TMEM120B: variants seen among roughly 807,000 people sequenced by gnomAD.
TMEM120B encodes transmembrane protein 120B.
Under a neutral mutation model 55.5 loss-of-function variants are expected in TMEM120B, and 31 were observed. The ratio of observed to expected loss-of-function variants is 0.56; its 90% confidence interval spans 0.42 to 0.75. TMEM120B has a LOEUF of 0.75. Ranked by LOEUF, TMEM120B falls within the 30% of genes least tolerant of loss-of-function variation. The pLI is 0.00. For synonymous variants in TMEM120B, 203 were observed against 176.3 expected, an observed-to-expected ratio of 1.15 and a Z score of -1.20; for missense variants, 399 against 425.5, an observed-to-expected ratio of 0.94 and a Z score of 0.55.
intron 8 of TMEM120B, among the ~76,000 whole-genome samples, chr12:121,772,275 C>T (rs945652939): frequency 1.3e-5 from 2 of 151,478 alleles, no homozygotes; most frequent in African/African-American, 2.4e-5. Flanking sequence ...ACTACAGGTG[C>T]GCACCACCAC....
At chr12:121,718,848 A>G (rs1894746172) in intron 1 of TMEM120B, among the ~76,000 whole-genome samples, 1 of 152,184 alleles carries the variant, frequency 6.6e-6, no homozygotes, top group Admixed American at 6.6e-5. Context: ...GCTTCAGGCA[A>G]GGCTGGATCC....
At chr12:121,763,859 A>T (rs1029056204) in intron 6 of TMEM120B, among the ~76,000 whole-genome samples, 1 of 152,118 alleles carries the variant, frequency 6.6e-6, no homozygotes, top group African/African-American at 2.4e-5. Flanking sequence ...CCCACCGCCT[A>T]ATGTGCCACC....
chr12:121,713,931 C>T (rs781499959), intron 1 of TMEM120B, among the ~76,000 whole-genome samples: 2 of 152,146 alleles, frequency 1.3e-5, no homozygotes, highest in Non-Finnish European at 2.9e-5. Flanking sequence ...TGACATTGTC[C>T]CTGTCCATGT....
In TMEM120B at chr12:121,779,373, A is replaced by G. The variant is rs1874355098; in HGVS notation, c.*3651A>G. ...AAGGAGAGAGTTCCAGAATGTTCCA[A>G]GAGTCTAGCCGCAGGCCCCAGACAC... On this transcript the variant is annotated 3_prime_UTR_variant, in exon 12 of 12. Coordinates refer to ENST00000449592, the MANE Select transcript of TMEM120B (RefSeq NM_001080825.2). 3.0e-6 allele frequency: 3 copies of G among 1,016,082 alleles called. No homozygotes were observed. The highest frequency in any genetic ancestry group is 2.7e-5 in the Admixed American group (1 of 37,360). The allele number at this position is 1,016,082 out of a possible 1,614,324, so 62.9% of individuals were successfully genotyped here. A position where few individuals can be genotyped will look rare whatever the true frequency, so the allele number is the denominator to read the frequency against.
rs200279162 is a variant in TMEM120B at position 121,779,491 on chromosome 12, C to T, written c.*3769C>T. On this transcript the variant is annotated 3_prime_UTR_variant, in exon 12 of 12. Coordinates refer to ENST00000449592, the MANE Select transcript of TMEM120B (RefSeq NM_001080825.2). ...TCAGTGCTGTCGTGAGGTCTGTCTGCCCTGGGTCAGAGCAGCAGGCAGAGC... is the reference window on the plus strand; with the variant it reads ...TCAGTGCTGTCGTGAGGTCTGTCTGTCCTGGGTCAGAGCAGCAGGCAGAGC... The T allele has an allele frequency of 1.9e-6, 3 of 1,610,662 alleles. No individual in the cohort carries two copies. Among genetic ancestry groups the T allele is most frequent in the South Asian group, 1.1e-5 (1 of 91,076 alleles).
intron 1 of TMEM120B, among the ~76,000 whole-genome samples, chr12:121,728,167 T>C (rs548982346): frequency 1.3e-5 from 2 of 151,616 alleles, no homozygotes; most frequent in South Asian, 4.2e-4. Context: ...GCCAGGACGC[T>C]TGGCGAATTT....
At chr12:121,763,559 C>A (rs945958375) in intron 6 of TMEM120B, among the ~76,000 whole-genome samples, 1 of 152,158 alleles carries the variant, frequency 6.6e-6, no homozygotes, top group African/African-American at 2.4e-5. Context: ...TCTTCTGTCT[C>A]AGCCTCCCGA....
intron 2 of TMEM120B, among the ~76,000 whole-genome samples, chr12:121,744,900 C>T (rs749081736): frequency 9.8e-5 from 15 of 152,326 alleles, no homozygotes; most frequent in South Asian, 2.1e-4. Context: ...TGTGCAAACA[C>T]GTCACCAGAT....
chr12:121,724,675 A>G (rs531364848), intron 1 of TMEM120B, among the ~76,000 whole-genome samples: 17 of 151,256 alleles, frequency 1.1e-4, no homozygotes, highest in African/African-American at 3.6e-4. Flanking sequence ...CAGTCGCGCA[A>G]TCTCGACTCA....
At chr12:121,773,384 C>T in intron 8 of TMEM120B, 37 bp from the exon 9 acceptor site, 1 of 1,575,178 alleles carries the variant, frequency 6.3e-7, no homozygotes, top group African/African-American at 1.3e-5. Context: ...TCCGGGGACA[C>T]CAGGCCCTGA....
At chr12:121,735,699 T>G (rs542112307) in intron 1 of TMEM120B, among the ~76,000 whole-genome samples, 11 of 151,028 alleles carry the variant, frequency 7.3e-5, no homozygotes, top group African/African-American at 2.2e-4. Context: ...GCCCGGCCTT[T>G]TTTTTTTTTG....
intron 5 of TMEM120B, among the ~76,000 whole-genome samples, chr12:121,757,028 C>T (rs1479482268): frequency 1.3e-5 from 2 of 151,958 alleles, no homozygotes; most frequent in Middle Eastern, 3.2e-3. Flanking sequence ...ACTTCGGCAG[C>T]ACCAGAGAGC....
chr12:121,760,406 C>T (rs775109260), intron 5 of TMEM120B, among the ~76,000 whole-genome samples: 19 of 152,188 alleles, frequency 1.2e-4, no homozygotes, highest in Non-Finnish European at 2.4e-4. Context: ...GGCAGACTTC[C>T]GGGGGTCTGG....
chr12:121,722,161 C>T (rs577138604), intron 1 of TMEM120B, among the ~76,000 whole-genome samples: 8 of 149,630 alleles, frequency 5.3e-5, no homozygotes, highest in Admixed American at 1.4e-4. Flanking sequence ...TACAGTGGCA[C>T]GATCTCGGCT....
At chr12:121,752,091 G>T in intron 4 of TMEM120B, 37 bp from the exon 5 acceptor site, 1 of 1,576,198 alleles carries the variant, frequency 6.3e-7, no homozygotes, top group South Asian at 1.1e-5. Flanking sequence ...AATAGTCATG[G>T]TAAGGGGCAC....
At position 121,766,480 on chromosome 12, in the gene TMEM120B, G is replaced by A. The variant is rs1034934895; in HGVS notation, c.552-4427G>A. On this transcript the variant is annotated intron_variant, in intron 6 of 11. Transcript: ENST00000449592. ...GTTTTCCCCTGCGATGGCCCCCAGC[G>A]GCCCCCAGGCAGGCCTCCCACCAGC... 3.3e-5 allele frequency among the ~76,000 whole-genome samples: 5 copies of A among 152,088 alleles called. No homozygotes were observed. The East Asian group carries it at 5.8e-4, about 18-fold the overall frequency.
chr12:121,772,227 CA>C (rs1874088938), intron 8 of TMEM120B, among the ~76,000 whole-genome samples: 2 of 150,846 alleles, frequency 1.3e-5, no homozygotes, highest in African/African-American at 4.9e-5. Flanking sequence ...CTCCTGGGTT[CA>C]AACGATTCTT....
intron 1 of TMEM120B, among the ~76,000 whole-genome samples, chr12:121,739,679 C>T (rs552951778): frequency 5.3e-5 from 8 of 151,790 alleles, no homozygotes; most frequent in African/African-American, 1.9e-4. Context: ...ACCATGTTGA[C>T]CAGGCTGGTC....
At chr12:121,713,639 C>T (rs1894642402) in intron 1 of TMEM120B, among the ~76,000 whole-genome samples, 1 of 152,000 alleles carries the variant, frequency 6.6e-6, no homozygotes, top group South Asian at 2.1e-4. Context: ...GGAGTGAGGG[C>T]GGGTGTAAGG....
Sources: allele counts gnomAD v4.1 joint callset (sites outside exome capture counted in the v4.1 genomes callset), GRCh38; gene constraint gnomAD v4.1.1; transcripts MANE v1.5; gene names NCBI Gene and HGNC (gene_info 2026-07-23, HGNC 2026-07-21).